RELN: variants seen among roughly 807,000 people sequenced by gnomAD.
RELN encodes reelin.
A neutral mutation model predicts 427.6 loss-of-function variants in RELN; 108 were observed. The observed-to-expected ratio is 0.25, with a 90% confidence interval of 0.22 to 0.30. The LOEUF is 0.30. Ranked by LOEUF, RELN falls within the 10% of genes least tolerant of loss-of-function variation. The pLI is 1.00. For missense variants in RELN, 3,715 were observed against 4,302.8 expected (o/e 0.86, Z 3.82); for synonymous variants, 1,524 against 1,513.4 (o/e 1.01, Z -0.16).
intron 6 of RELN, among the ~76,000 whole-genome samples, chr7:103,738,073 G>A (rs1386814176): frequency 6.7e-6 from 1 of 149,700 alleles, no homozygotes; most frequent in East Asian, 2.0e-4. Flanking sequence ...TATTATTATT[G>A]TTCTATCATT....
At chr7:103,580,481 G>A (rs776294203) in intron 28 of RELN, among the ~76,000 whole-genome samples, 1 of 152,200 alleles carries the variant, frequency 6.6e-6, no homozygotes, top group African/African-American at 2.4e-5. Flanking sequence ...ACTTTGTGAT[G>A]CTAAGGACAA....
At chr7:103,701,393 T>C (rs575465242) in intron 8 of RELN, among the ~76,000 whole-genome samples, 2 of 152,206 alleles carry the variant, frequency 1.3e-5, no homozygotes, top group East Asian at 1.9e-4. Flanking sequence ...ACATAAGTCA[T>C]TACATTGAGG....
chr7:103,671,982 T>C (rs1485339401), intron 11 of RELN, among the ~76,000 whole-genome samples: 1 of 152,168 alleles, frequency 6.6e-6, no homozygotes, highest in Non-Finnish European at 1.5e-5. Flanking sequence ...TCTATAGCCT[T>C]ATGAGCATTT....
At chr7:103,772,347 T>C (rs1415113623) in intron 4 of RELN, among the ~76,000 whole-genome samples, 1 of 147,232 alleles carries the variant, frequency 6.8e-6, no homozygotes, top group East Asian at 2.0e-4. Flanking sequence ...AATGAATGAA[T>C]GCACAAGTAA....
intron 1 of RELN, among the ~76,000 whole-genome samples, chr7:103,930,698 C>A (rs1795842796): frequency 6.6e-6 from 1 of 152,094 alleles, no homozygotes; most frequent in South Asian, 2.1e-4. Flanking sequence ...AACTCCTGGG[C>A]TCAAGCGATC....
At chr7:103,718,738 C>T (rs1790003752) in intron 8 of RELN, among the ~76,000 whole-genome samples, 1 of 152,164 alleles carries the variant, frequency 6.6e-6, no homozygotes, top group African/African-American at 2.4e-5. Flanking sequence ...AGTCCCTGGG[C>T]TAGTGACTGA....
chr7:103,797,320 G>T (rs182980419), intron 3 of RELN, among the ~76,000 whole-genome samples: 32 of 152,258 alleles, frequency 2.1e-4, no homozygotes, highest in African/African-American at 7.2e-4. Flanking sequence ...TGGCTAGGCG[G>T]TCTCGAACTC....
chr7:103,939,543 G>A (rs1412373993), intron 1 of RELN, among the ~76,000 whole-genome samples: 1 of 152,160 alleles, frequency 6.6e-6, no homozygotes, highest in Admixed American at 6.5e-5. Flanking sequence ...ATGAACAGTG[G>A]TGGGTTGGTA....
At chr7:103,682,016 C>T in intron 11 of RELN, 100 bp downstream of exon 11, 1 of 1,141,892 alleles carries the variant, frequency 8.8e-7, no homozygotes, top group Non-Finnish European at 1.3e-6. Flanking sequence ...CAGTATTGAT[C>T]TAAGTATGCT....
intron 8 of RELN, among the ~76,000 whole-genome samples, chr7:103,711,051 A>AT (rs1453604281): frequency 6.6e-6 from 1 of 152,054 alleles, no homozygotes; most frequent in Non-Finnish European, 1.5e-5. Context: ...TCAAAAAAAA[A>AT]TTTTTTTAAA....
At chr7:103,914,760 TCA>T (rs1438150901) in intron 2 of RELN, among the ~76,000 whole-genome samples, 5 of 152,106 alleles carry the variant, frequency 3.3e-5, no homozygotes, top group Non-Finnish European at 7.4e-5. Flanking sequence ...TCAATGTGAC[TCA>T]CAGCCTGAAC....
intron 1 of RELN, among the ~76,000 whole-genome samples, chr7:103,956,882 C>T (rs1372576232): frequency 6.6e-6 from 1 of 151,972 alleles, no homozygotes; most frequent in African/African-American, 2.4e-5. Flanking sequence ...CAAAGAGGTC[C>T]ATGAAAAAGA....
chr7:103,860,488 G>A (rs1794046944), intron 2 of RELN, among the ~76,000 whole-genome samples: 1 of 152,066 alleles, frequency 6.6e-6, no homozygotes, highest in Non-Finnish European at 1.5e-5. Flanking sequence ...GTTTCATTAG[G>A]CTAAAAATAA....
intron 3 of RELN, among the ~76,000 whole-genome samples, chr7:103,811,481 T>G (rs538866447): frequency 2.3e-4 from 35 of 152,266 alleles, no homozygotes; most frequent in African/African-American, 7.9e-4. Context: ...AAACTACAGT[T>G]GCAGAGCCGT....
intron 11 of RELN, among the ~76,000 whole-genome samples, chr7:103,678,732 A>G (rs1833592589): frequency 6.6e-6 from 1 of 152,208 alleles, no homozygotes; most frequent in Non-Finnish European, 1.5e-5. Flanking sequence ...ATTGCTAAAG[A>G]GATGAAAGCA....
intron 3 of RELN, among the ~76,000 whole-genome samples, chr7:103,806,963 A>G (rs980345058): frequency 3.0e-4 from 45 of 152,248 alleles, no homozygotes; most frequent in African/African-American, 1.1e-3. Context: ...TACCCCTTCA[A>G]GTCAATGGCT....
chr7:103,694,091 A>AG (rs1307793951), intron 10 of RELN, among the ~76,000 whole-genome samples: 1 of 152,138 alleles, frequency 6.6e-6, no homozygotes, highest in African/African-American at 2.4e-5. Context: ...AGTCTTCTGG[A>AG]GGAAGGAACA....
intron 1 of RELN, among the ~76,000 whole-genome samples, chr7:103,921,465 C>T (rs944218172): frequency 2.6e-5 from 4 of 152,032 alleles, no homozygotes; most frequent in Admixed American, 2.6e-4. Flanking sequence ...CATAGTTTTG[C>T]ATTAAAATGT....
At chr7:103,609,799 G>T (rs1002483769) in intron 22 of RELN, among the ~76,000 whole-genome samples, 1 of 152,244 alleles carries the variant, frequency 6.6e-6, no homozygotes, top group East Asian at 1.9e-4. Context: ...ACAAAAGAGC[G>T]ATTGTTAGGC....
Sources: allele counts gnomAD v4.1 joint callset (sites outside exome capture counted in the v4.1 genomes callset), GRCh38; gene constraint gnomAD v4.1.1; transcripts MANE v1.5; gene names NCBI Gene and HGNC (gene_info 2026-07-23, HGNC 2026-07-21).